The following TASP1 variants were observed in gnomAD, a reference collection of about 807,000 sequenced individuals.
The protein encoded by TASP1 is threonine aspartase 1.
A neutral mutation model predicts 56.6 loss-of-function variants in TASP1; 16 were observed. The ratio of observed to expected loss-of-function variants is 0.28; its 90% CI spans 0.19 to 0.43. TASP1 has a LOEUF of 0.43. Ranked by LOEUF, TASP1 falls within the 20% of genes least tolerant of loss-of-function variation. The pLI is 1.00. For missense variants in TASP1, 393 were observed against 511.6 expected, an observed-to-expected ratio of 0.77 and a Z score of 2.24; for synonymous variants, 179 against 184.2, an observed-to-expected ratio of 0.97 and a Z score of 0.23.
intron 10 of TASP1, among the ~76,000 whole-genome samples, chr20:13,515,396 A>G (rs2044484472): frequency 6.6e-6 from 1 of 151,998 alleles, no homozygotes. Context: ...TTGTCCATCA[A>G]AGTGTTGTCT....
chr20:13,309,514 G>T, the TASP1 span, among the ~76,000 whole-genome samples: 1 of 152,082 alleles, frequency 6.6e-6, no homozygotes, highest in Non-Finnish European at 1.5e-5. Context: ...TCAGTGAAAA[G>T]CTTTTCCTCC....
At chr20:13,404,955 A>C (rs1331877521) in intron 13 of TASP1, among the ~76,000 whole-genome samples, 1 of 152,074 alleles carries the variant, frequency 6.6e-6, no homozygotes, top group African/African-American at 2.4e-5. Context: ...CACCTGTTTT[A>C]CCTTGGTTAT....
intron 10 of TASP1, among the ~76,000 whole-genome samples, chr20:13,501,906 C>A (rs939986573): frequency 6.6e-6 from 1 of 151,720 alleles, no homozygotes; most frequent in African/African-American, 2.4e-5. Context: ...TACATAAAAA[C>A]AAAGCAAATT....
At chr20:13,390,767 C>T (rs374405235) in intron 13 of TASP1, among the ~76,000 whole-genome samples, 66 of 152,262 alleles carry the variant, frequency 4.3e-4, no homozygotes, top group African/African-American at 1.5e-3. Context: ...ACAAGAGTAG[C>T]AGTTTTAATG....
intron 10 of TASP1, among the ~76,000 whole-genome samples, chr20:13,514,140 G>C (rs2044437297): frequency 6.6e-6 from 1 of 152,058 alleles, no homozygotes; most frequent in Non-Finnish European, 1.5e-5. Flanking sequence ...CTATACTGCA[G>C]TAAATACTCT....
intron 1 of TASP1, among the ~76,000 whole-genome samples, chr20:13,633,115 T>C (rs1222618956): frequency 6.6e-6 from 1 of 152,112 alleles, no homozygotes; most frequent in Non-Finnish European, 1.5e-5. Flanking sequence ...GAAAAATGTC[T>C]TGATGGAAGT....
chr20:13,424,605 A>G (rs1157282971), intron 12 of TASP1, among the ~76,000 whole-genome samples: 1 of 152,122 alleles, frequency 6.6e-6, no homozygotes. Context: ...AGCGCTGGCT[A>G]TAACAGTCTC....
intron 5 of TASP1, among the ~76,000 whole-genome samples, chr20:13,586,970 C>T (rs183957414): frequency 2.0e-5 from 3 of 151,880 alleles, no homozygotes; most frequent in Admixed American, 2.0e-4. Context: ...AAATTTTTTA[C>T]AACAAAAAAT....
At chr20:13,484,037 A>G (rs1317861002) in intron 10 of TASP1, among the ~76,000 whole-genome samples, 1 of 152,210 alleles carries the variant, frequency 6.6e-6, no homozygotes, top group Non-Finnish European at 1.5e-5. Context: ...ACATTTATGC[A>G]GCCAACAAAC....
chr20:13,499,794 G>T (rs1399027382), intron 10 of TASP1, among the ~76,000 whole-genome samples: 1 of 152,076 alleles, frequency 6.6e-6, no homozygotes, highest in Non-Finnish European at 1.5e-5. Context: ...ATACTATGCA[G>T]CCATAAAAAA....
chr20:13,431,419 T>C (rs187744638), intron 12 of TASP1, among the ~76,000 whole-genome samples: 1 of 152,292 alleles, frequency 6.6e-6, no homozygotes, highest in East Asian at 1.9e-4. Flanking sequence ...TCTTTATGGG[T>C]CCAATCTTCT....
intron 8 of TASP1, among the ~76,000 whole-genome samples, chr20:13,556,923 A>G (rs1365090701): frequency 6.6e-6 from 1 of 152,234 alleles, no homozygotes; most frequent in Non-Finnish European, 1.5e-5. Flanking sequence ...AAGAATAACT[A>G]TCTTAATTAT....
chr20:13,541,053 T>C (rs1044104377), intron 8 of TASP1, among the ~76,000 whole-genome samples: 3 of 152,196 alleles, frequency 2.0e-5, no homozygotes, highest in African/African-American at 7.2e-5. Flanking sequence ...ATGAATGAGA[T>C]ATTAAGAGAC....
chr20:13,118,320 C>A, the TASP1 span, among the ~76,000 whole-genome samples: 1 of 151,784 alleles, frequency 6.6e-6, no homozygotes, highest in South Asian at 2.1e-4. Context: ...TTGCATACAC[C>A]ATAGGTCAAA....
chr20:13,178,782 G>A, the TASP1 span, among the ~76,000 whole-genome samples: 1 of 151,838 alleles, frequency 6.6e-6, no homozygotes, highest in Non-Finnish European at 1.5e-5. Flanking sequence ...GGAATGGGGA[G>A]AGACTTATTG....
At chr20:13,342,719 A>G in the TASP1 span, among the ~76,000 whole-genome samples, 1 of 152,190 alleles carries the variant, frequency 6.6e-6, no homozygotes, top group Admixed American at 6.5e-5. Context: ...GAGATTTCAC[A>G]AGAGCCATAA....
the TASP1 span, among the ~76,000 whole-genome samples, chr20:13,190,947 CA>C: frequency 1.3e-5 from 2 of 150,772 alleles, no homozygotes; most frequent in Admixed American, 6.6e-5. Context: ...AGACTTATCT[CA>C]AAAAAAAGAA....
At chr20:13,315,058 G>A in the TASP1 span, among the ~76,000 whole-genome samples, 1 of 152,028 alleles carries the variant, frequency 6.6e-6, no homozygotes, top group Non-Finnish European at 1.5e-5. Context: ...GCTAATAAAG[G>A]AGAGAAAATA....
chr20:13,601,536 C>T (rs112708120), intron 4 of TASP1, among the ~76,000 whole-genome samples: 1 of 151,968 alleles, frequency 6.6e-6, no homozygotes, highest in Non-Finnish European at 1.5e-5. Context: ...TGAATAAATA[C>T]ATAAATAAAT....
Sources: allele counts gnomAD v4.1 joint callset (sites outside exome capture counted in the v4.1 genomes callset), GRCh38; gene constraint gnomAD v4.1.1; transcripts MANE v1.5; gene names NCBI Gene and HGNC (gene_info 2026-07-23, HGNC 2026-07-21).